The following PODXL variants were observed in gnomAD, a reference collection of about 807,000 sequenced individuals.
The protein encoded by PODXL is podocalyxin like.
A neutral mutation model predicts 48.9 loss-of-function variants in PODXL; 20 were observed. That is an observed-to-expected ratio of 0.41 (90% CI 0.29 to 0.59). The LOEUF (loss-of-function observed/expected upper bound fraction) is 0.59. Ranked by LOEUF, PODXL falls within the 20% of genes least tolerant of loss-of-function variation. PODXL has a pLI of 0.31. For missense variants in PODXL, 606 were observed against 675.1 expected (o/e 0.90, Z 1.13); for synonymous variants, 295 against 287.4 (o/e 1.03, Z -0.27).
At chr7:131,544,588 T>C (rs1037317480) in intron 1 of PODXL, among the ~76,000 whole-genome samples, 4 of 151,822 alleles carry the variant, frequency 2.6e-5, no homozygotes, top group African/African-American at 9.7e-5. Context: ...CAGGGAGGCG[T>C]GGGCAGGAGT....
At position 131,504,222 on chromosome 7, in the gene PODXL, C is replaced by T. The variant is rs1797759190; in HGVS notation, c.*89G>A. 9.1e-7 allele frequency: 1 copy of T among 1,095,026 alleles called. No individual in the cohort carries two copies. The highest frequency in any genetic ancestry group is 1.5e-5 in the African/African-American group (1 of 65,016). 67.8% of individuals were successfully genotyped at this position (1,095,026 alleles called of 1,614,324 possible). On this transcript the variant is annotated 3_prime_UTR_variant, in exon 9 of 9. Coordinates refer to ENST00000378555, the MANE Select transcript of PODXL (RefSeq NM_001018111.3). ...ACACCCCTCGGAGTTCACTCTCCCT[C>T]CCCAGTCTTTCCCTTCCCCATCCAA...
chr7:131,540,838 C>T (rs1407857842), intron 1 of PODXL, among the ~76,000 whole-genome samples: 3 of 152,182 alleles, frequency 2.0e-5, no homozygotes, highest in Admixed American at 6.5e-5. Context: ...AGGGAAGTCC[C>T]GCATGCATGG....
At chr7:131,514,841 T>A (rs1449883404) in intron 1 of PODXL, among the ~76,000 whole-genome samples, 1 of 152,090 alleles carries the variant, frequency 6.6e-6, no homozygotes, top group Non-Finnish European at 1.5e-5. Context: ...ACTTCTAGGC[T>A]CAAGTGATCC....
chr7:131,504,226 A>C lies in PODXL; in HGVS notation c.*85T>G, dbSNP rs190873701. ...CCCTCGGAGTTCACTCTCCCTCCCC[A>C]GTCTTTCCCTTCCCCATCCAAACGG... On this transcript the variant is annotated 3_prime_UTR_variant, in exon 9 of 9. Coordinates refer to ENST00000378555, the MANE Select transcript of PODXL (RefSeq NM_001018111.3). 13 of 1,126,648 alleles carry C rather than the reference A, an allele frequency of 1.2e-5. No homozygotes were observed. In the East Asian group the frequency reaches 2.4e-4, roughly 21 times the overall value. 69.8% of individuals were successfully genotyped at this position (1,126,648 alleles called of 1,614,324 possible).
chr7:131,519,739 A>AT (rs1370257602), intron 1 of PODXL, among the ~76,000 whole-genome samples: 1 of 151,712 alleles, frequency 6.6e-6, no homozygotes, highest in Admixed American at 6.6e-5. Context: ...TCTTTTTTTT[A>AT]TTTTTTTGAG....
chr7:131,541,313 G>A (rs1470153958), intron 1 of PODXL, among the ~76,000 whole-genome samples: 1 of 152,088 alleles, frequency 6.6e-6, no homozygotes, highest in Non-Finnish European at 1.5e-5. Context: ...TTTTGACAGT[G>A]GAGCCTGTAT....
At chr7:131,555,434 G>A (rs1189514023) in intron 1 of PODXL, among the ~76,000 whole-genome samples, 2 of 152,210 alleles carry the variant, frequency 1.3e-5, no homozygotes, top group Non-Finnish European at 2.9e-5. Flanking sequence ...AAGAAACAGG[G>A]AGGGGATGTT....
chr7:131,536,635 C>G (rs1352464035), intron 1 of PODXL, among the ~76,000 whole-genome samples: 1 of 152,268 alleles, frequency 6.6e-6, no homozygotes, highest in Non-Finnish European at 1.5e-5. Flanking sequence ...CCTCTCCCTG[C>G]TGGTTCCTGT....
intron 1 of PODXL, among the ~76,000 whole-genome samples, chr7:131,545,249 T>A (rs1166764097): frequency 6.6e-6 from 1 of 152,226 alleles, no homozygotes; most frequent in African/African-American, 2.4e-5. Context: ...CAGCCTGGAA[T>A]GTAACTTGTT....
At chr7:131,550,014 A>C (rs1353958405) in intron 1 of PODXL, among the ~76,000 whole-genome samples, 3 of 152,234 alleles carry the variant, frequency 2.0e-5, no homozygotes, top group Non-Finnish European at 4.4e-5. Context: ...CTCAGAGACA[A>C]TGCAAGAGCT....
chr7:131,500,401 T>G lies in PODXL; in HGVS notation c.*3910A>C, dbSNP rs1797679130. On this transcript the variant is annotated 3_prime_UTR_variant, in exon 9 of 9. Transcript: ENST00000378555. ...TAAATTCCAGTGTACTTCAGACCCC[T>G]GTCCACTAAGACATATATGATCCCC... 1 of 152,678 alleles carries G rather than the reference T, an allele frequency of 6.5e-6. No individual in the cohort carries two copies. The highest frequency in any genetic ancestry group is 1.5e-5 in the Non-Finnish European group (1 of 68,044). The allele number at this position is 152,678 out of a possible 1,614,324, so 9.5% of individuals were successfully genotyped here. A position where few individuals can be genotyped will look rare whatever the true frequency, so the allele number is the denominator to read the frequency against.
chr7:131,554,337 T>C (rs543792499), intron 1 of PODXL, among the ~76,000 whole-genome samples: 40 of 152,270 alleles, frequency 2.6e-4, no homozygotes, highest in African/African-American at 8.7e-4. Flanking sequence ...CCTCTCCCCA[T>C]CCCCCACTTA....
rs1042057521 is a variant in PODXL at position 131,504,245 on chromosome 7, C to G, written c.*66G>C. The G allele has an allele frequency of 1.4e-6, 2 of 1,383,332 alleles. No homozygotes were observed. The highest frequency in any genetic ancestry group is 2.8e-5 in the African/African-American group (2 of 70,542). 85.7% of individuals were successfully genotyped at this position (1,383,332 alleles called of 1,614,324 possible). A position where few individuals can be genotyped will look rare whatever the true frequency, so the allele number is the denominator to read the frequency against. On this transcript the variant is annotated 3_prime_UTR_variant, in exon 9 of 9. Coordinates refer to ENST00000378555, the MANE Select transcript of PODXL (RefSeq NM_001018111.3). ...CTCCCCAGTCTTTCCCTTCCCCATC[C>G]AAACGGCACTTGGGGTGGTTGGTCT...
At chr7:131,530,334 A>G (rs1415505223) in intron 1 of PODXL, among the ~76,000 whole-genome samples, 1 of 152,082 alleles carries the variant, frequency 6.6e-6, no homozygotes, top group African/African-American at 2.4e-5. Context: ...CCCAGCACCA[A>G]GGTATCAGGT....
intron 1 of PODXL, among the ~76,000 whole-genome samples, chr7:131,541,672 CA>C (rs35142409): frequency 0.11 from 10,268 of 95,598 alleles, 1,045 homozygotes; most frequent in African/African-American, 0.3. Flanking sequence ...GACTCCGTCT[CA>C]AAAAAAAAAA....
chr7:131,545,521 C>T (rs1025028343), intron 1 of PODXL, among the ~76,000 whole-genome samples: 1 of 152,170 alleles, frequency 6.6e-6, no homozygotes, highest in Non-Finnish European at 1.5e-5. Context: ...AGTATTTCCC[C>T]CAAAATGTCC....
chr7:131,509,205 G>A lies in PODXL; in HGVS notation c.1023+160C>T, dbSNP rs1335630583. 2.9e-5 allele frequency: 24 copies of A among 816,900 alleles called. No homozygotes were observed. The Admixed American group carries it at 4.6e-4, about 16-fold the overall frequency. 50.6% of individuals were successfully genotyped at this position (816,900 alleles called of 1,614,324 possible). Reference sequence around the variant, plus strand: ...CGTGGCTTGAGGGCAGCTCAAGCCAGGACCAGGCTAACCAGGGAGAGGGAG... The same window carrying A: ...CGTGGCTTGAGGGCAGCTCAAGCCAAGACCAGGCTAACCAGGGAGAGGGAG... On this transcript the variant is annotated intron_variant, in intron 4 of 8. Transcript: ENST00000378555.
chr7:131,538,334 G>A (rs1798418027), intron 1 of PODXL, among the ~76,000 whole-genome samples: 1 of 152,186 alleles, frequency 6.6e-6, no homozygotes, highest in Admixed American at 6.5e-5. Flanking sequence ...GTGCTCTGCG[G>A]GGAGCCAGCC....
chr7:131,521,597 T>C (rs564188842), intron 1 of PODXL, among the ~76,000 whole-genome samples: 81 of 152,294 alleles, frequency 5.3e-4, no homozygotes, highest in African/African-American at 1.9e-3. Flanking sequence ...CTTCCCAAAG[T>C]GCTGGGATTA....
Sources: allele counts gnomAD v4.1 joint callset (sites outside exome capture counted in the v4.1 genomes callset), GRCh38; gene constraint gnomAD v4.1.1; transcripts MANE v1.5; gene names NCBI Gene and HGNC (gene_info 2026-07-23, HGNC 2026-07-21).